SLC22A15: variants seen among roughly 807,000 people sequenced by gnomAD.
The protein encoded by SLC22A15 is solute carrier family 22 member 15.
A neutral mutation model predicts 62.7 loss-of-function variants in SLC22A15; 45 were observed. That is an observed-to-expected ratio of 0.72 (90% CI 0.56 to 0.92). The LOEUF is 0.92. Among genes scored for constraint, SLC22A15 ranks in the 40% least tolerant of loss-of-function variants. The pLI is 0.00. For synonymous variants in SLC22A15, 264 were observed against 267.0 expected (o/e 0.99, Z 0.11); for missense variants, 622 against 665.6 (o/e 0.93, Z 0.72).
intron 1 of SLC22A15, among the ~76,000 whole-genome samples, chr1:115,989,653 T>C (rs1050327252): frequency 3.6e-4 from 54 of 151,972 alleles, no homozygotes; most frequent in Admixed American, 1.2e-3. Flanking sequence ...CATTGGCAGG[T>C]ACCTGTAATC....
intron 2 of SLC22A15, among the ~76,000 whole-genome samples, chr1:115,993,459 C>CTGTG (rs1655258747): frequency 7.1e-6 from 1 of 140,364 alleles, no homozygotes; most frequent in Non-Finnish European, 1.5e-5. Flanking sequence ...GTGTGTGTGT[C>CTGTG]TGTCTGTCTG....
rs1335619376 is a variant in SLC22A15 at position 115,976,518 on chromosome 1, C to G, written c.-110C>G. The G allele has an allele frequency of 2.0e-6, 1 of 489,408 alleles. No homozygotes were observed. The highest frequency in any genetic ancestry group is 3.0e-6 in the Non-Finnish European group (1 of 334,352). The allele number at this position is 489,408 out of a possible 1,614,324, so 30.3% of individuals were successfully genotyped here. A position where few individuals can be genotyped will look rare whatever the true frequency, so the allele number is the denominator to read the frequency against. On this transcript the variant is annotated 5_prime_UTR_variant, in exon 1 of 12. Coordinates refer to ENST00000369503, the MANE Select transcript of SLC22A15 (RefSeq NM_018420.3). ...GCCCCGCCGCCAGCGCTTCCATCCC[C>G]GCCCCGGCGGGTCCAAGCCGGTGCC...
chr1:116,041,857 A>G (rs991267300), intron 8 of SLC22A15, among the ~76,000 whole-genome samples: 4 of 152,192 alleles, frequency 2.6e-5, no homozygotes, highest in Non-Finnish European at 5.9e-5. Flanking sequence ...TGTTGAATCC[A>G]TGAATGGTTT....
intron 2 of SLC22A15, among the ~76,000 whole-genome samples, chr1:115,999,502 CTTTT>C (rs71096857): frequency 7.5e-6 from 1 of 133,950 alleles, no homozygotes; most frequent in Admixed American, 7.4e-5. Context: ...TATTTTTGTT[CTTTT>C]TTTTTTTTTT....
At position 116,062,892 on chromosome 1, in the gene SLC22A15, T is replaced by A; in HGVS notation, c.1292+10T>A. 1 of 1,612,776 alleles carries A rather than the reference T, an allele frequency of 6.2e-7. No individual in the cohort carries two copies. Among genetic ancestry groups the A allele is most frequent in the Non-Finnish European group, 8.5e-7 (1 of 1,179,066 alleles). On this transcript the variant is annotated intron_variant, in intron 9 of 11. Coordinates refer to ENST00000369503, the MANE Select transcript of SLC22A15 (RefSeq NM_018420.3). ...ACCCTACAGTCATCAGGTACGTGTC[T>A]CACACAGCCTCATTCTTCACACATT...
intron 3 of SLC22A15, among the ~76,000 whole-genome samples, chr1:116,020,260 A>AAC (rs1422857971): frequency 4.6e-5 from 7 of 151,686 alleles, no homozygotes; most frequent in East Asian, 3.9e-4. Flanking sequence ...AAAAAAAAAA[A>AAC]ACACACAGCT....
At chr1:116,013,109 G>T (rs1178789098) in intron 2 of SLC22A15, among the ~76,000 whole-genome samples, 1 of 152,164 alleles carries the variant, frequency 6.6e-6, no homozygotes, top group Non-Finnish European at 1.5e-5. Context: ...GGTAGGTTAG[G>T]TGCATTAAAT....
At chr1:116,061,407 A>G (rs1312425777) in intron 8 of SLC22A15, among the ~76,000 whole-genome samples, 1 of 152,178 alleles carries the variant, frequency 6.6e-6, no homozygotes, top group African/African-American at 2.4e-5. Context: ...AGAAATGTCA[A>G]GGAGAATGAG....
intron 8 of SLC22A15, among the ~76,000 whole-genome samples, chr1:116,055,897 G>A (rs1360675614): frequency 6.7e-6 from 1 of 149,086 alleles, no homozygotes; most frequent in Non-Finnish European, 1.5e-5. Flanking sequence ...GTATTGATGG[G>A]ACGTATCTCA....
At chr1:116,036,854 A>G (rs946966832) in intron 7 of SLC22A15, among the ~76,000 whole-genome samples, 2 of 152,194 alleles carry the variant, frequency 1.3e-5, no homozygotes, top group Non-Finnish European at 2.9e-5. Context: ...AAATGCCAAA[A>G]CTTTAAACTG....
intron 8 of SLC22A15, among the ~76,000 whole-genome samples, chr1:116,057,179 G>T (rs1034091424): frequency 6.6e-6 from 1 of 151,360 alleles, no homozygotes; most frequent in Non-Finnish European, 1.5e-5. Context: ...CTAATATCCA[G>T]AATCTACAAT....
chr1:116,012,108 T>C (rs1171578003), intron 2 of SLC22A15, among the ~76,000 whole-genome samples: 2 of 151,994 alleles, frequency 1.3e-5, no homozygotes, highest in African/African-American at 2.4e-5. Flanking sequence ...TTCATTAGAG[T>C]GGTTTGTGAT....
chr1:116,027,257 T>C, intron 5 of SLC22A15: 1 of 630,128 alleles, frequency 1.6e-6, no homozygotes, highest in Non-Finnish European at 3.0e-6. Flanking sequence ...CACTGCATTG[T>C]AACCTTCACA....
At chr1:116,066,365 C>G (rs934575454) in intron 10 of SLC22A15, among the ~76,000 whole-genome samples, 155 bp from the exon 11 acceptor site, 3 of 152,150 alleles carry the variant, frequency 2.0e-5, no homozygotes, top group African/African-American at 7.2e-5. Flanking sequence ...CAGGATAATT[C>G]TTTATGTGGA....
chr1:116,027,199 A>G, intron 5 of SLC22A15, 177 bp downstream of exon 5: 1 of 672,304 alleles, frequency 1.5e-6, no homozygotes. Context: ...AGAGATGCTT[A>G]ATTAATTCAG....
intron 1 of SLC22A15, among the ~76,000 whole-genome samples, chr1:115,988,316 G>A (rs1231459799): frequency 1.3e-5 from 2 of 152,132 alleles, no homozygotes; most frequent in African/African-American, 4.8e-5. Flanking sequence ...AGATAACAGT[G>A]GAGAGAAGAA....
In SLC22A15 at chr1:116,069,558, G is replaced by T. The variant is rs1658571346; in HGVS notation, c.*2450G>T. 1 of 152,030 alleles carries T rather than the reference G, an allele frequency of 6.6e-6. No homozygotes were observed. The highest frequency in any genetic ancestry group is 1.5e-5 in the Non-Finnish European group (1 of 68,000). 9.4% of individuals were successfully genotyped at this position (152,030 alleles called of 1,614,324 possible). ...AAACCCCAGAGTTTCCAGGGTGAAA[G>T]TTCACATTAGCAGCTTGTCCAAAAT... On this transcript the variant is annotated 3_prime_UTR_variant, in exon 12 of 12. Transcript: ENST00000369503.
chr1:116,020,783 G>GCAGT lies in SLC22A15; in HGVS notation c.497_500dup (p.Thr168SerfsTer22). ...ATTTTCCCCCTCATATGAGTTCTTT[G>GCAGT]CAGTAACTCGCTTCCTGGTGGGCAT... On this transcript the variant is annotated frameshift_variant, in exon 4 of 12. Coordinates refer to ENST00000369503, the MANE Select transcript of SLC22A15 (RefSeq NM_018420.3). LOFTEE classifies it high-confidence loss of function. 4.3e-6 allele frequency: 7 copies of GCAGT among 1,613,624 alleles called. No homozygotes were observed. Among genetic ancestry groups the GCAGT allele is most frequent in the Non-Finnish European group, 5.1e-6 (6 of 1,179,746 alleles).
chr1:116,061,102 A>G (rs1570776052), intron 8 of SLC22A15, among the ~76,000 whole-genome samples: 1 of 152,338 alleles, frequency 6.6e-6, no homozygotes, highest in East Asian at 1.9e-4. Flanking sequence ...TTAGTTCAGC[A>G]GATATTTAAT....
Sources: gnomAD v4.1 joint callset for allele counts (sites outside exome capture counted in the v4.1 genomes callset) on GRCh38, gnomAD v4.1.1 for gene constraint, MANE v1.5 for transcripts, NCBI Gene and HGNC (gene_info 2026-07-23, HGNC 2026-07-21) for gene names.